The following EFCAB8 variants were observed in gnomAD, a reference collection of about 807,000 sequenced individuals.
The protein encoded by EFCAB8 is EF-hand calcium binding domain 8.
Under a neutral mutation model 116.3 loss-of-function variants are expected in EFCAB8, and 100 were observed. The observed-to-expected ratio is 0.86, with a 90% CI of 0.73 to 1.02. EFCAB8 has a LOEUF of 1.02. Among genes scored for constraint, EFCAB8 ranks in the 50% least tolerant of loss-of-function variants. The pLI is 0.00. For synonymous variants in EFCAB8, 558 were observed against 567.9 expected (o/e 0.98, Z 0.25); for missense variants, 1,320 against 1,416.9 (o/e 0.93, Z 1.10).
chr20:32,939,727 C>T (rs1988327908), intron 22 of EFCAB8, among the ~76,000 whole-genome samples: 1 of 139,662 alleles, frequency 7.2e-6, no homozygotes, highest in South Asian at 2.3e-4. Flanking sequence ...CAGAGTCTTG[C>T]TCTGGTACCC....
chr20:32,866,882 CTTCCTTTCTTTCT>C, intron 2 of EFCAB8, among the ~76,000 whole-genome samples: 1 of 146,972 alleles, frequency 6.8e-6, no homozygotes, highest in East Asian at 2.0e-4. Flanking sequence ...TCCTTCCTTC[CTTCCTTTCTTTCT>C]CTCTCTCTCT....
At chr20:32,905,767 A>AAAAAAAAAAAAAAAAG (rs1986646868) in intron 11 of EFCAB8, among the ~76,000 whole-genome samples, 1 of 150,160 alleles carries the variant, frequency 6.7e-6, no homozygotes, top group Non-Finnish European at 1.5e-5. Flanking sequence ...CTCAAAAAAA[A>AAAAAAAAAAAAAAAAG]AAAAAAGGAC....
intron 1 of EFCAB8, among the ~76,000 whole-genome samples, chr20:32,863,508 G>A (rs1019044821): frequency 1.3e-5 from 2 of 152,204 alleles, no homozygotes; most frequent in African/African-American, 4.8e-5. Flanking sequence ...CAGGAGTAAA[G>A]AAACTTGTGA....
Position 32,961,487 on chromosome 20 carries a change from A to G in EFCAB8, c.3745A>G (p.Lys1249Glu). Reference protein sequence around the residue: ...STPSVPSPVSKSTLQGSVTPK... With the variant: ...STPSVPSPVSESTLQGSVTPK... ...CCCCTCGGTCCCATCCCCGGTGTCC[A>G]AGTCCACCCTGCAGGGGTCAGTGAC... is the stretch of plus-strand genomic sequence containing the variant. The change falls in exon 27 of 27, where the codon AAG (lysine) becomes GAG (glutamate). Residue 1249 changes from lysine (K) to glutamate (E), a missense_variant. Physicochemically the swap from Lys to Glu is moderately conservative, Grantham distance 56. Coordinates refer to ENST00000400522, the MANE Select transcript of EFCAB8 (RefSeq NM_001143967.2). 1 of 1,448,334 alleles carries G rather than the reference A, an allele frequency of 6.9e-7. No individual in the cohort carries two copies. The highest frequency in any genetic ancestry group is 1.5e-5 in the South Asian group (1 of 66,982). The allele number at this position is 1,448,334 out of a possible 1,614,324, so 89.7% of individuals were successfully genotyped here.
chr20:32,934,212 T>C (rs184063691), intron 22 of EFCAB8, among the ~76,000 whole-genome samples: 2 of 152,296 alleles, frequency 1.3e-5, no homozygotes, highest in Admixed American at 1.3e-4. Flanking sequence ...TATTTTTCTT[T>C]CATGACTGGC....
chr20:32,893,073 T>C, intron 8 of EFCAB8, 101 bp from the exon 9 acceptor site: 1 of 1,418,654 alleles, frequency 7.0e-7, no homozygotes, highest in Non-Finnish European at 9.6e-7. Flanking sequence ...ACTCCTGACC[T>C]CAGGTGATTA....
chr20:32,886,647 C>T (rs2146203826), intron 6 of EFCAB8, among the ~76,000 whole-genome samples: 1 of 152,194 alleles, frequency 6.6e-6, no homozygotes, highest in African/African-American at 2.4e-5. Flanking sequence ...AGCCATCCAC[C>T]TTACCTTTCT....
Position 32,961,281 on chromosome 20 carries a change from G to A in EFCAB8, c.3539G>A (p.Ser1180Asn). ...AHHVQKDLVP[S>N]REQAVLDTTD... ...CATGTCCAGAAGGACCTGGTGCCCAGCAGGGAGCAGGCTGTGCTGGATACC... is the reference window on the plus strand; with the variant it reads ...CATGTCCAGAAGGACCTGGTGCCCAACAGGGAGCAGGCTGTGCTGGATACC... Residue 1180 changes from serine to asparagine, a missense_variant, in exon 27 of 27, where the codon AGC becomes AAC. Ser to Asn is a conservative substitution (Grantham distance 46). Transcript: ENST00000400522. 1 of 1,549,444 alleles carries A rather than the reference G, an allele frequency of 6.5e-7. No homozygotes were observed. Among genetic ancestry groups the A allele is most frequent in the Non-Finnish European group, 8.7e-7 (1 of 1,145,776 alleles).
chr20:32,911,403 C>T, intron 15 of EFCAB8, 77 bp from the exon 16 acceptor site: 1 of 1,320,992 alleles, frequency 7.6e-7, no homozygotes, highest in Non-Finnish European at 1.0e-6. Flanking sequence ...GGGGAGGGGC[C>T]AAGGCAGGCT....
Position 32,897,626 on chromosome 20 carries a change from G to T in EFCAB8, c.958-867G>T, listed in dbSNP as rs375242985. On this transcript the variant is annotated intron_variant, in intron 10 of 26. Transcript: ENST00000400522. ...AATTTTTTAATTCTTTTTTTGAGAC[G>T]GGGCCTCACTATGTTGCCCAGGCTG... Among the ~76,000 whole-genome samples the T allele has an allele frequency of 8.6e-5, 13 of 151,852 alleles. No homozygotes were observed. The East Asian group carries it at 2.3e-3, about 27-fold the overall frequency.
At chr20:32,885,868 G>A (rs1985598999) in intron 6 of EFCAB8, among the ~76,000 whole-genome samples, 1 of 152,178 alleles carries the variant, frequency 6.6e-6, no homozygotes, top group Non-Finnish European at 1.5e-5. Context: ...GTGTCTCACA[G>A]GCCCCTCAAA....
intron 23 of EFCAB8, among the ~76,000 whole-genome samples, chr20:32,956,218 C>T (rs1029603089): frequency 3.9e-5 from 6 of 152,152 alleles, no homozygotes; most frequent in African/African-American, 1.2e-4. Flanking sequence ...TTACATCCCT[C>T]CCATGTTTAT....
intron 22 of EFCAB8, among the ~76,000 whole-genome samples, chr20:32,938,681 T>C (rs1183237696): frequency 2.7e-5 from 4 of 149,572 alleles, no homozygotes; most frequent in Non-Finnish European, 5.9e-5. Flanking sequence ...TCACTTATAA[T>C]CGCATCAAAA....
intron 14 of EFCAB8, among the ~76,000 whole-genome samples, chr20:32,909,062 G>T (rs1337882392): frequency 2.0e-5 from 3 of 152,188 alleles, no homozygotes; most frequent in African/African-American, 7.2e-5. Context: ...CCACAGATGG[G>T]AGCAGAAGCC....
chr20:32,898,365 TAGG>T (rs1385346806), intron 10 of EFCAB8, 125 bp from the exon 11 acceptor site: 2 of 597,676 alleles, frequency 3.3e-6, no homozygotes, highest in Non-Finnish European at 6.2e-6. Flanking sequence ...TTGTGATCAC[TAGG>T]AGAAGGGCAT....
Position 32,923,228 on chromosome 20 carries a change from G to A in EFCAB8, c.2412+3013G>A, listed in dbSNP as rs1987534582. ...TGGCCCAGTGCGATGGCTCACACCT[G>A]TAATCCTAGCACTTTGGGAGGCTGA... On this transcript the variant is annotated intron_variant, in intron 20 of 26. Transcript: ENST00000400522. Among the ~76,000 whole-genome samples, 3 of 151,758 alleles carry A rather than the reference G, an allele frequency of 2.0e-5. No homozygotes were observed. The South Asian group carries it at 6.2e-4, about 32-fold the overall frequency.
intron 3 of EFCAB8, among the ~76,000 whole-genome samples, chr20:32,869,035 T>C (rs1304376234): frequency 1.3e-5 from 2 of 151,904 alleles, no homozygotes; most frequent in Non-Finnish European, 2.9e-5. Context: ...TGGGGTTGAC[T>C]GGGGAAGAAC....
At chr20:32,917,929 G>A (rs537495409) in intron 18 of EFCAB8, among the ~76,000 whole-genome samples, 17 of 152,330 alleles carry the variant, frequency 1.1e-4, no homozygotes, top group African/African-American at 4.1e-4. Context: ...AGCAGGAAGG[G>A]ACCTTAGGGG....
Position 32,909,246 on chromosome 20 carries a change from G to A in EFCAB8, c.1447-575G>A, listed in dbSNP as rs117688888. Among the ~76,000 whole-genome samples, 1,054 of 152,336 alleles carry A rather than the reference G, an allele frequency of 6.9e-3. 6 individuals carry two copies. Among genetic ancestry groups the A allele is most frequent in the Non-Finnish European group, 9.4e-3 (639 of 68,028 alleles). On this transcript the variant is annotated intron_variant, in intron 14 of 26. Transcript: ENST00000400522. ...GTGGGTTCCTTTATCTCCTTGCTGAGTGCCAGACAGGTGGTCAGCATTTGC... is the reference window on the plus strand; with the variant it reads ...GTGGGTTCCTTTATCTCCTTGCTGAATGCCAGACAGGTGGTCAGCATTTGC...
Sources: allele counts gnomAD v4.1 joint callset (sites outside exome capture counted in the v4.1 genomes callset), GRCh38; gene constraint gnomAD v4.1.1; transcripts MANE v1.5; gene names NCBI Gene and HGNC (gene_info 2026-07-23, HGNC 2026-07-21).